The following PTPRZ1 variants were observed in gnomAD, a reference collection of about 807,000 sequenced individuals.
PTPRZ1 encodes the protein protein tyrosine phosphatase receptor type Z1.
In PTPRZ1, 82 loss-of-function variants were observed where a neutral mutation model predicts 214.1. The observed-to-expected ratio is 0.38, with a 90% CI of 0.32 to 0.46. The LOEUF (loss-of-function observed/expected upper bound fraction) is 0.46, where lower values mean the gene tolerates loss of function less well. PTPRZ1 is among the 20% of genes least tolerant of loss of function. The pLI is 1.00. For synonymous variants in PTPRZ1, 945 were observed against 987.9 expected, an observed-to-expected ratio of 0.96 and a Z score of 0.81; for missense variants, 2,603 against 2,748.7, an observed-to-expected ratio of 0.95 and a Z score of 1.19.
intron 3 of PTPRZ1, among the ~76,000 whole-genome samples, chr7:121,970,070 C>T (rs559512502): frequency 4.0e-5 from 6 of 150,760 alleles, no homozygotes; most frequent in South Asian, 2.1e-4. Flanking sequence ...TTTGTCCTTG[C>T]GATAGTTTGC....
At chr7:122,025,150 C>T (rs1309422494) in intron 13 of PTPRZ1, among the ~76,000 whole-genome samples, 3 of 151,874 alleles carry the variant, frequency 2.0e-5, no homozygotes, top group Non-Finnish European at 2.9e-5. Flanking sequence ...GAGATACGGC[C>T]CCATCTTTTA....
chr7:122,011,530 T>C lies in PTPRZ1; in HGVS notation c.2484T>C (p.Ser828=). The change falls in exon 12 of 30, where the codon AGT becomes AGC. Residue 828 remains serine (S), a synonymous_variant. Transcript: ENST00000393386. ...PLLPFSSASF[S]SELFRHLHTV... ...TTCCATTTTCCTCTGCTTCCTTCAG[T>C]AGTGAATTGTTTCGCCATCTGCATA... 6.2e-7 allele frequency: 1 copy of C among 1,614,116 alleles called. No individual in the cohort carries two copies.
intron 8 of PTPRZ1, among the ~76,000 whole-genome samples, chr7:121,984,698 GT>G (rs1184937589): frequency 6.6e-6 from 1 of 152,092 alleles, no homozygotes; most frequent in Non-Finnish European, 1.5e-5. Flanking sequence ...CTTCTTCCCA[GT>G]TTCCTTCTTT....
chr7:121,981,271 C>A (rs1196514), intron 6 of PTPRZ1, among the ~76,000 whole-genome samples: 63,411 of 152,026 alleles, frequency 0.42, 13,559 homozygotes, highest in South Asian at 0.57. Context: ...AATCTAGATG[C>A]CCAGGCCTGA....
intron 23 of PTPRZ1, among the ~76,000 whole-genome samples, chr7:122,050,863 A>C (rs989690698): frequency 6.6e-6 from 1 of 152,160 alleles, no homozygotes; most frequent in African/African-American, 2.4e-5. Flanking sequence ...GAATAACTGA[A>C]TACTCCTAAT....
intron 23 of PTPRZ1, among the ~76,000 whole-genome samples, chr7:122,047,097 T>C (rs917137222): frequency 6.6e-6 from 1 of 152,128 alleles, no homozygotes; most frequent in Non-Finnish European, 1.5e-5. Context: ...TGAACAGAGA[T>C]GGCAAGTGCT....
intron 2 of PTPRZ1, among the ~76,000 whole-genome samples, chr7:121,950,757 C>G (rs759780055): frequency 6.6e-6 from 1 of 152,130 alleles, no homozygotes; most frequent in Non-Finnish European, 1.5e-5. Context: ...AGCCCTTAGT[C>G]TCACTGAAAG....
intron 2 of PTPRZ1, among the ~76,000 whole-genome samples, chr7:121,955,281 C>G (rs1172020247): frequency 6.6e-6 from 1 of 152,144 alleles, no homozygotes. Context: ...TATTTCTGTG[C>G]TATGAGAACT....
intron 2 of PTPRZ1, among the ~76,000 whole-genome samples, chr7:121,942,627 G>C (rs112458481): frequency 6.6e-6 from 1 of 152,266 alleles, no homozygotes; most frequent in African/African-American, 2.4e-5. Flanking sequence ...AAGTCTCATT[G>C]ATGAGTTTTT....
chr7:121,985,429 A>G (rs1797738399), intron 8 of PTPRZ1, among the ~76,000 whole-genome samples: 1 of 152,218 alleles, frequency 6.6e-6, no homozygotes, highest in South Asian at 2.1e-4. Flanking sequence ...AATAAAGTTC[A>G]AACTGCTTGT....
At chr7:121,943,643 T>A (rs914453779) in intron 2 of PTPRZ1, among the ~76,000 whole-genome samples, 1 of 152,126 alleles carries the variant, frequency 6.6e-6, no homozygotes, top group Non-Finnish European at 1.5e-5. Context: ...CGGCCAATAA[T>A]GGAGAATTTA....
rs61757819 is a variant in PTPRZ1 at position 122,042,640 on chromosome 7, T to C, written c.5834T>C (p.Val1945Ala). Reference protein sequence around the residue: ...AGVGRTGTYIVLDSMLQQIQH... With the variant: ...AGVGRTGTYIALDSMLQQIQH... ...GTTGGAAGAACAGGCACATATATTG[T>C]GCTAGACAGTATGTTGCAGCAGATT... Residue 1945 changes from valine to alanine, a missense_variant, in exon 22 of 30, where the codon GTG becomes GCG. Val to Ala is a moderately conservative substitution (Grantham distance 64). Transcript: ENST00000393386. The C allele has an allele frequency of 2.9e-3, 4,612 of 1,613,884 alleles. 12 individuals carry two copies. Among genetic ancestry groups the C allele is most frequent in the Middle Eastern group, 0.013 (80 of 6,060 alleles).
intron 1 of PTPRZ1, among the ~76,000 whole-genome samples, chr7:121,924,814 G>A (rs1489625014): frequency 1.3e-5 from 2 of 152,152 alleles, no homozygotes; most frequent in African/African-American, 2.4e-5. Context: ...AAAATGTCAA[G>A]GAATCTTCTT....
At chr7:121,916,270 C>T (rs1224688637) in intron 1 of PTPRZ1, among the ~76,000 whole-genome samples, 1 of 89,672 alleles carries the variant, frequency 1.1e-5, no homozygotes, top group African/African-American at 7.0e-5. Flanking sequence ...GGGACTCCAT[C>T]TCAAAAAAAA....
rs762475822 is a variant in PTPRZ1, at chr7:122,010,497, C to A, written c.1451C>A (p.Thr484Lys). 6.8e-6 allele frequency: 11 copies of A among 1,614,040 alleles called. No homozygotes were observed. The South Asian group carries it at 1.1e-4, about 16-fold the overall frequency. ...YNEAKTNRSPTRGSEFSGKGD... is the reference protein window; with the variant it reads ...YNEAKTNRSPKRGSEFSGKGD... Reference sequence around the variant, plus strand: ...GAAGCCAAGACTAACCGATCCCCAACAAGAGGAAGTGAATTCTCTGGAAAG... The same window carrying A: ...GAAGCCAAGACTAACCGATCCCCAAAAAGAGGAAGTGAATTCTCTGGAAAG... The change falls in exon 12 of 30, where the codon ACA (threonine) becomes AAA (lysine). Residue 484 changes from threonine (T) to lysine (K), a missense_variant. Around this residue, in one of 6 missense-constraint regions of PTPRZ1, gnomAD observed 1,913 missense variants for 1,914.3 expected, o/e 1.00. Transcript: ENST00000393386.
intron 1 of PTPRZ1, among the ~76,000 whole-genome samples, chr7:121,905,458 A>G (rs575895669): frequency 2.6e-5 from 4 of 152,308 alleles, no homozygotes; most frequent in African/African-American, 9.6e-5. Flanking sequence ...TTCAGCTTCA[A>G]CAAGGCCATG....
Position 122,036,690 on chromosome 7 carries a change from T to C in PTPRZ1, c.5367+8T>C, listed in dbSNP as rs777272778. ...AATGCCAATTATGTTGATGTAAGCA[T>C]GTTTTAATTGAAAATTTTATAGAAA... is the stretch of plus-strand genomic sequence containing the variant. On this transcript the variant is annotated splice_region_variant and intron_variant, in intron 18 of 29. Transcript: ENST00000393386. 6.4e-7 allele frequency: 1 copy of C among 1,570,614 alleles called. No homozygotes were observed.
At chr7:121,998,048 G>T (rs1489956882) in intron 10 of PTPRZ1, 42 bp downstream of exon 10, 8 of 1,581,468 alleles carry the variant, frequency 5.1e-6, no homozygotes, top group Non-Finnish European at 4.3e-6. Context: ...CTCAATAAAT[G>T]AGGTTAGTTT....
chr7:121,903,309 T>C (rs2116273056), intron 1 of PTPRZ1, among the ~76,000 whole-genome samples: 1 of 152,322 alleles, frequency 6.6e-6, no homozygotes, highest in East Asian at 1.9e-4. Flanking sequence ...AGAAATTCTC[T>C]AGTTAGACTG....
Sources: gnomAD v4.1 joint callset for allele counts (sites outside exome capture counted in the v4.1 genomes callset) on GRCh38, gnomAD v4.1.1 for gene constraint, gnomAD v4.1.1 regional missense constraint, MANE v1.5 for transcripts, NCBI Gene and HGNC (gene_info 2026-07-23, HGNC 2026-07-21) for gene names.